NKAIN4: variants seen among roughly 807,000 people sequenced by gnomAD.
NKAIN4 encodes the protein sodium/potassium-transporting ATPase subunit beta-1-interacting protein 4.
Under a neutral mutation model 28.8 loss-of-function variants are expected in NKAIN4, and 28 were observed. That is an observed-to-expected ratio of 0.97 (90% CI 0.72 to 1.33). The LOEUF (loss-of-function observed/expected upper bound fraction) is 1.33, where lower values mean the gene tolerates loss of function less well. Among genes scored for constraint, NKAIN4 ranks in the 40% most tolerant of loss-of-function variants. The probability of loss-of-function intolerance (pLI) is 0.00; values close to 1 mark genes in which losing one functional copy is unlikely to be tolerated. For synonymous variants in NKAIN4, 122 were observed against 115.6 expected (o/e 1.06, Z -0.36); for missense variants, 289 against 277.2 (o/e 1.04, Z -0.30).
chr20:63,241,339 C>G lies in NKAIN4; in HGVS notation c.*158G>C. 1.5e-6 allele frequency: 1 copy of G among 670,068 alleles called. No homozygotes were observed. Among genetic ancestry groups the G allele is most frequent in the Non-Finnish European group, 2.7e-6 (1 of 374,974 alleles). The allele number at this position is 670,068 out of a possible 1,614,324, so 41.5% of individuals were successfully genotyped here. On this transcript the variant is annotated 3_prime_UTR_variant, in exon 7 of 7. Transcript: ENST00000370316. ...CCAGCCGTGGCACTGCCCTGCCGCC[C>G]TGGCTGGTGTCCAGTACTTAGAACC...
At chr20:63,246,256 A>G (rs966861173) in intron 4 of NKAIN4, among the ~76,000 whole-genome samples, 11 of 152,132 alleles carry the variant, frequency 7.2e-5, no homozygotes, top group Non-Finnish European at 5.9e-5. Flanking sequence ...CTCCTCACAA[A>G]GCCTAATCTC....
chr20:63,244,647 G>A, intron 4 of NKAIN4: 1 of 424,730 alleles, frequency 2.4e-6, no homozygotes, highest in Non-Finnish European at 4.9e-6. Flanking sequence ...TTTGGGGCAG[G>A]GGTCAGGCAG....
At chr20:63,242,302 C>T (rs569898494) in intron 6 of NKAIN4, among the ~76,000 whole-genome samples, 1 of 152,320 alleles carries the variant, frequency 6.6e-6, no homozygotes, top group African/African-American at 2.4e-5. Flanking sequence ...CAGTCTCCAT[C>T]TCTGCTGGGC....
chr20:63,246,665 A>G (rs2066863555), intron 4 of NKAIN4: 1 of 985,390 alleles, frequency 1.0e-6, no homozygotes, highest in East Asian at 1.1e-4. Context: ...CGCACCAGGA[A>G]AAGCCAGGGA....
intron 1 of NKAIN4, among the ~76,000 whole-genome samples, chr20:63,250,610 C>T: frequency 7.5e-6 from 1 of 133,800 alleles, no homozygotes; most frequent in Admixed American, 7.5e-5. Context: ...TGCTCTCTGG[C>T]AGGCAGGCAG....
Position 63,245,836 on chromosome 20 carries a change from CT to C in NKAIN4, c.471+1741del, listed in dbSNP as rs1360448585. On this transcript the variant is annotated intron_variant, in intron 4 of 6. Transcript: ENST00000370316. The surrounding 1 kb of genome is among the most constrained non-coding windows in gnomAD (Gnocchi z 4.7). ...GATAAAAGCCAACAGGAGGCCCCAT[CT>C]CCCCAACCATGCAGAGTGCCCACTC... 1.3e-5 allele frequency among the ~76,000 whole-genome samples: 2 copies of C among 152,154 alleles called. No homozygotes were observed. Among genetic ancestry groups the C allele is most frequent in the Non-Finnish European group, 2.9e-5 (2 of 68,018 alleles).
chr20:63,241,599 A>T, intron 6 of NKAIN4, 93 bp from the exon 7 acceptor site: 1 of 1,157,066 alleles, frequency 8.6e-7, no homozygotes, highest in Non-Finnish European at 1.3e-6. Context: ...CCTGAAATGG[A>T]ACAAAGTCCA....
intron 5 of NKAIN4, 126 bp downstream of exon 5, chr20:63,243,898 C>T (rs1482395616): frequency 2.7e-6 from 2 of 749,230 alleles, no homozygotes; most frequent in Non-Finnish European, 4.5e-6. Context: ...GTGAGCAAGG[C>T]CCTGCTGGGC....
At chr20:63,246,029 G>A (rs2066849751) in intron 4 of NKAIN4, among the ~76,000 whole-genome samples, 1 of 151,872 alleles carries the variant, frequency 6.6e-6, no homozygotes, top group Non-Finnish European at 1.5e-5. Flanking sequence ...CCGGGTTCAT[G>A]CCATTCTCCT....
intron 2 of NKAIN4, among the ~76,000 whole-genome samples, chr20:63,249,596 C>T (rs766872453): frequency 1.4e-4 from 22 of 152,182 alleles, no homozygotes; most frequent in Non-Finnish European, 2.6e-4. Context: ...CCTGGGCTTC[C>T]GACAGTGATT....
chr20:63,246,731 C>T, intron 4 of NKAIN4: 2 of 985,482 alleles, frequency 2.0e-6, no homozygotes, highest in Non-Finnish European at 2.4e-6. Flanking sequence ...GCTGCAGTCA[C>T]ATTGGCCCTG....
chr20:63,243,376 C>T (rs925237221), intron 5 of NKAIN4, among the ~76,000 whole-genome samples: 3 of 151,988 alleles, frequency 2.0e-5, no homozygotes, highest in African/African-American at 7.2e-5. Flanking sequence ...ACAGATGGTT[C>T]TGAACTGGAT....
rs1481398906 is a variant in NKAIN4, at chr20:63,252,299, C to T, written c.54+2098G>A. Among the ~76,000 whole-genome samples, 1 of 152,102 alleles carries T rather than the reference C, an allele frequency of 6.6e-6. No homozygotes were observed. Among genetic ancestry groups the T allele is most frequent in the Non-Finnish European group, 1.5e-5 (1 of 67,978 alleles). On this transcript the variant is annotated intron_variant, in intron 1 of 6. Transcript: ENST00000370316. This position sits in a 1 kb window ranked among gnomAD's most constrained non-coding sequence, Gnocchi z 4.6. The stretch of plus-strand genomic sequence containing the variant: ...AACCCCTTCCTGGGCCTTTGGCTCC[C>T]AGGGTCTCCTCAATGCAGCAGGGCA...
chr20:63,242,484 T>C, intron 6 of NKAIN4, 55 bp downstream of exon 6: 1 of 1,282,930 alleles, frequency 7.8e-7, no homozygotes, highest in Non-Finnish European at 1.1e-6. Context: ...CCTCTCGCTG[T>C]GAGGGCCAGA....
Position 63,242,606 on chromosome 20 carries a change from A to T in NKAIN4, c.550T>A (p.Phe184Ile). Residue 184 changes from phenylalanine (F) to isoleucine (I), a missense_variant, in exon 6 of 7, where the codon TTT becomes ATT. By Grantham distance (21) the Phe-to-Ile change is conservative. Transcript: ENST00000370316. ...EEDSFDFIGGFDPFPLYHVNE... is the reference protein window; with the variant it reads ...EEDSFDFIGGIDPFPLYHVNE... ...ACATGGTAGAGAGGAAATGGATCAA[A>T]TCCACCAATGAAATCAACTGAAAGA... 1 of 1,612,788 alleles carries T rather than the reference A, an allele frequency of 6.2e-7. No individual in the cohort carries two copies. Among genetic ancestry groups the T allele is most frequent in the East Asian group, 2.2e-5 (1 of 44,876 alleles).
At position 63,244,058 on chromosome 20, in the gene NKAIN4, C is replaced by G. The variant is rs1288898886; in HGVS notation, c.498G>C (p.Gln166His). Residue 166 changes from glutamine (Q) to histidine (H), a missense_variant, in exon 5 of 7, where the codon CAG (glutamine) becomes CAC (histidine). Gln to His is a conservative substitution (Grantham distance 24). Coordinates refer to ENST00000370316, the MANE Select transcript of NKAIN4 (RefSeq NM_152864.4). Reference sequence around the variant, plus strand: ...CTTCCTCCGTAAACACGCTGACCACCTGGCAGCCACAGACAAAGCCCAGAA... The same window carrying G: ...CTTCCTCCGTAAACACGCTGACCACGTGGCAGCCACAGACAAAGCCCAGAA... ...IALLGFVCGC[Q>H]VVSVFTEEED... 7 of 1,613,918 alleles carry G rather than the reference C, an allele frequency of 4.3e-6. No homozygotes were observed. Among genetic ancestry groups the G allele is most frequent in the South Asian group, 1.1e-5 (1 of 91,002 alleles).
At chr20:63,253,094 C>G in intron 1 of NKAIN4, 1 of 514,482 alleles carries the variant, frequency 1.9e-6, no homozygotes, top group Non-Finnish European at 2.5e-6. Flanking sequence ...TGGTGCCTGT[C>G]CTTCATGAGG....
chr20:63,245,881 T>C lies in NKAIN4; in HGVS notation c.471+1697A>G, dbSNP rs113720746. 2.6e-5 allele frequency among the ~76,000 whole-genome samples: 4 copies of C among 151,450 alleles called. No individual in the cohort carries two copies. Among genetic ancestry groups the C allele is most frequent in the Non-Finnish European group, 5.9e-5 (4 of 67,934 alleles). ...CCCACTCCTCCAGCCTCGGCTCCCA[T>C]AGCACGCCAGCCCCCTCCGAGAGAC... is the stretch of plus-strand genomic sequence containing the variant. On this transcript the variant is annotated intron_variant, in intron 4 of 6. Coordinates refer to ENST00000370316, the MANE Select transcript of NKAIN4 (RefSeq NM_152864.4). This position sits in a 1 kb window ranked among gnomAD's most constrained non-coding sequence, Gnocchi z 4.7.
At chr20:63,244,715 C>T (rs963242666) in intron 4 of NKAIN4, among the ~76,000 whole-genome samples, 1 of 152,214 alleles carries the variant, frequency 6.6e-6, no homozygotes, top group East Asian at 1.9e-4. Flanking sequence ...AAGCCCCACA[C>T]ACCTCGCAGA....
Sources: allele counts gnomAD v4.1 joint callset (sites outside exome capture counted in the v4.1 genomes callset), GRCh38; gene constraint gnomAD v4.1.1; non-coding constraint Gnocchi (gnomAD v3.1); transcripts MANE v1.5; gene names NCBI Gene and HGNC (gene_info 2026-07-23, HGNC 2026-07-21).